PLA2G4C: variants seen among roughly 807,000 people sequenced by gnomAD.
PLA2G4C encodes cytosolic phospholipase A2 gamma.
In PLA2G4C, 64 loss-of-function variants were observed where a neutral mutation model predicts 73.8. That is an observed-to-expected ratio of 0.87 (90% CI 0.71 to 1.07). The LOEUF (loss-of-function observed/expected upper bound fraction) is 1.07, where lower values mean the gene tolerates loss of function less well. Ranked by LOEUF, PLA2G4C falls within the 50% of genes least tolerant of loss-of-function variation. The pLI, the probability that PLA2G4C is intolerant of heterozygous loss-of-function variation, is 0.00. For missense variants in PLA2G4C, 622 were observed against 665.4 expected, an observed-to-expected ratio of 0.93 and a Z score of 0.72; for synonymous variants, 254 against 252.1, an observed-to-expected ratio of 1.01 and a Z score of -0.07.
At chr19:48,063,163 C>T (rs1968258621) in intron 13 of PLA2G4C, among the ~76,000 whole-genome samples, 1 of 152,090 alleles carries the variant, frequency 6.6e-6, no homozygotes, top group Admixed American at 6.6e-5. Flanking sequence ...TCTGCCTCAG[C>T]CTCCCAAGTA....
intron 14 of PLA2G4C, among the ~76,000 whole-genome samples, chr19:48,057,477 C>CCTCCTTTTTTTTTT (rs1967989621): frequency 5.9e-5 from 1 of 16,852 alleles, no homozygotes; most frequent in Non-Finnish European, 1.3e-4. Context: ...TCTTCTTCTT[C>CCTCCTTTTTTTTTT]TTCTTCTTTT....
intron 12 of PLA2G4C, among the ~76,000 whole-genome samples, chr19:48,068,709 G>T (rs1315141317): frequency 7.1e-6 from 1 of 140,824 alleles, no homozygotes; most frequent in African/African-American, 2.7e-5. Context: ...AGATCATTTA[G>T]ATACAAGGGA....
intron 7 of PLA2G4C, among the ~76,000 whole-genome samples, chr19:48,095,078 C>T (rs1452712367): frequency 6.6e-6 from 1 of 152,104 alleles, no homozygotes; most frequent in Admixed American, 6.5e-5. Flanking sequence ...TGTAGAGACA[C>T]AGTGTTGCTA....
At chr19:48,053,514 C>T (rs992004721) in intron 15 of PLA2G4C, among the ~76,000 whole-genome samples, 2 of 151,884 alleles carry the variant, frequency 1.3e-5, no homozygotes, top group South Asian at 2.1e-4. Context: ...GGATTACAGG[C>T]GTGCATCACC....
chr19:48,081,717 C>A (rs150847687), intron 10 of PLA2G4C, among the ~76,000 whole-genome samples: 2,419 of 151,194 alleles, frequency 0.016, 29 homozygotes, highest in Middle Eastern at 0.028. Flanking sequence ...AGAGATCGCT[C>A]CATTGCACTC....
intron 15 of PLA2G4C, among the ~76,000 whole-genome samples, chr19:48,053,348 C>T (rs968571802): frequency 6.7e-6 from 1 of 149,522 alleles, no homozygotes. Context: ...ATCCATGCCC[C>T]TTCCGGTCCT....
Position 48,053,139 on chromosome 19 carries a change from C to T in PLA2G4C, c.1438G>A (p.Glu480Lys). 1 of 1,589,448 alleles carries T rather than the reference C, an allele frequency of 6.3e-7. No individual in the cohort carries two copies. The highest frequency in any genetic ancestry group is 8.6e-7 in the Non-Finnish European group (1 of 1,162,256). Residue 480 changes from glutamate to lysine, a missense_variant, in exon 16 of 17, where the codon GAG becomes AAG. Coordinates refer to ENST00000599921, the MANE Select transcript of PLA2G4C (RefSeq NM_003706.3). ...GTGTCGTATGTGTCACTCCATGCCT[C>T]AATATCACCTGAAGCATAACCAAAC... is the stretch of plus-strand genomic sequence containing the variant. ...FNIDACGGDIEAWSDTYDTFK... is the reference protein window; with the variant it reads ...FNIDACGGDIKAWSDTYDTFK...
chr19:48,097,251 C>CTTCTTTTTTTTTTTTTTTTTTTTTTT (rs1340148092), intron 6 of PLA2G4C: 1 of 86,576 alleles, frequency 1.2e-5, no homozygotes, highest in Admixed American at 1.3e-4. Flanking sequence ...TTTCTTTTTT[C>CTTCTTTTTTTTTTTTTTTTTTTTTTT]TTTTTTTTTT....
intron 2 of PLA2G4C, 86 bp from the exon 3 acceptor site, chr19:48,105,530 C>A: frequency 3.0e-6 from 3 of 1,014,640 alleles, no homozygotes; most frequent in Non-Finnish European, 3.0e-6. Flanking sequence ...CTGGGCTGTC[C>A]AAGCAGGTAG....
At chr19:48,052,962 C>T in intron 16 of PLA2G4C, 35 bp downstream of exon 16, 2 of 1,578,166 alleles carry the variant, frequency 1.3e-6, no homozygotes, top group Non-Finnish European at 1.7e-6. Flanking sequence ...ACTGAACGAG[C>T]ATAGGCATCA....
At chr19:48,088,773 A>G in intron 8 of PLA2G4C, 61 bp from the exon 9 acceptor site, 1 of 1,235,406 alleles carries the variant, frequency 8.1e-7, no homozygotes, top group South Asian at 1.2e-5. Context: ...TAGTTATAAT[A>G]TAAAAAATAC....
chr19:48,101,645 T>C (rs1023063125), intron 4 of PLA2G4C, among the ~76,000 whole-genome samples: 2 of 151,806 alleles, frequency 1.3e-5, no homozygotes, highest in Non-Finnish European at 2.9e-5. Context: ...TGGAACAAGC[T>C]GGGTATGAAA....
At chr19:48,089,915 G>C (rs2031198947) in intron 8 of PLA2G4C, among the ~76,000 whole-genome samples, 1 of 152,174 alleles carries the variant, frequency 6.6e-6, no homozygotes. Flanking sequence ...AAATGGAAGG[G>C]ACAAAAGCGT....
rs1053841895 is a variant in PLA2G4C, at chr19:48,099,826, T to C, written c.292A>G (p.Met98Val). ...TTCAGGTCAGCCTCGAGAGCTTCCA[T>C]GTCACCATCATTGGTGTAGAGAGAA... Reference protein sequence around the residue: ...ISSLYTNDGDMEALEADLKHR... With the variant: ...ISSLYTNDGDVEALEADLKHR... Residue 98 changes from methionine to valine, a missense_variant, in exon 5 of 17, where the codon ATG becomes GTG. Coordinates refer to ENST00000599921, the MANE Select transcript of PLA2G4C (RefSeq NM_003706.3). 5 of 1,613,736 alleles carry C rather than the reference T, an allele frequency of 3.1e-6. No individual in the cohort carries two copies. In the African/African-American group the frequency reaches 4.0e-5, roughly 13 times the overall value.
In PLA2G4C at chr19:48,075,202, G is replaced by A. The variant is rs961719831; in HGVS notation, c.899-328C>T. Among the ~76,000 whole-genome samples, 6 of 140,180 alleles carry A rather than the reference G, an allele frequency of 4.3e-5. No individual in the cohort carries two copies. The East Asian group carries it at 1.1e-3, about 26-fold the overall frequency. The allele number at this position is 140,180 out of a possible 152,430, so 92.0% of individuals were successfully genotyped here. ...TATTTATTTATTTATTTATTTATTTGAGACAGAGTATTGCTCTGTTGCCCA... is the reference window on the plus strand; with the variant it reads ...TATTTATTTATTTATTTATTTATTTAAGACAGAGTATTGCTCTGTTGCCCA... On this transcript the variant is annotated intron_variant, in intron 11 of 16. Coordinates refer to ENST00000599921, the MANE Select transcript of PLA2G4C (RefSeq NM_003706.3).
Position 48,092,067 on chromosome 19 carries a change from AAT to A in PLA2G4C, c.710-1652_710-1651del, listed in dbSNP as rs1491313614. On this transcript the variant is annotated intron_variant, in intron 7 of 16. Transcript: ENST00000599921. Reference sequence around the variant, plus strand: ...TGGTATGGTCGTTCCTCAAAAAAAAAATTTTTTTTTTTTTTGAGATAGCCCAG... The same window carrying A: ...TGGTATGGTCGTTCCTCAAAAAAAAATTTTTTTTTTTTTGAGATAGCCCAG... Among the ~76,000 whole-genome samples, 145 of 127,910 alleles carry A rather than the reference AAT, an allele frequency of 1.1e-3. 1 individual carries two copies. Among genetic ancestry groups the A allele is most frequent in the African/African-American group, 3.5e-3 (112 of 32,304 alleles). The allele number at this position is 127,910 out of a possible 152,430, so 83.9% of individuals were successfully genotyped here.
At chr19:48,105,265 G>A in intron 3 of PLA2G4C, 68 bp downstream of exon 3, 1 of 1,022,124 alleles carries the variant, frequency 9.8e-7, no homozygotes, top group Non-Finnish European at 1.5e-6. Context: ...GCTGAGTTGG[G>A]CCCTGGACAC....
chr19:48,102,448 G>A (rs1330460072), intron 4 of PLA2G4C, among the ~76,000 whole-genome samples: 9 of 151,954 alleles, frequency 5.9e-5, no homozygotes, highest in South Asian at 2.1e-4. Context: ...CCAAGATCGC[G>A]CCACTGCACT....
chr19:48,074,782 C>T lies in PLA2G4C; in HGVS notation c.991G>A (p.Asp331Asn). ...CACATGGTACCTTTCCTTTCGGGGTCCTCATGGGGCTGCTCCTGCTTTTCC... is the reference window on the plus strand; with the variant it reads ...CACATGGTACCTTTCCTTTCGGGGTTCTCATGGGGCTGCTCCTGCTTTTCC... ...SLEKQEQPHE[D>N]PERKGSLSNL... is the part of the protein sequence containing the mutation. Residue 331 changes from aspartate (D) to asparagine (N), a missense_variant, in exon 12 of 17, where the codon GAC (aspartate) becomes AAC (asparagine). By Grantham distance (23) the Asp-to-Asn change is conservative. Transcript: ENST00000599921. 1.2e-6 allele frequency: 2 copies of T among 1,612,020 alleles called. No homozygotes were observed. The highest frequency in any genetic ancestry group is 1.7e-6 in the Non-Finnish European group (2 of 1,178,200).
Sources: gnomAD v4.1 joint callset for allele counts (sites outside exome capture counted in the v4.1 genomes callset) on GRCh38, gnomAD v4.1.1 for gene constraint, MANE v1.5 for transcripts, NCBI Gene and HGNC (gene_info 2026-07-23, HGNC 2026-07-21) for gene names.